SPON1: variants seen among roughly 807,000 people sequenced by gnomAD.
The protein encoded by SPON1 is spondin-1.
In SPON1, 52 loss-of-function variants were observed where a neutral mutation model predicts 111.7. The observed-to-expected ratio is 0.47, with a 90% CI of 0.37 to 0.59. The LOEUF (loss-of-function observed/expected upper bound fraction) is 0.59, where lower values mean the gene tolerates loss of function less well. Among genes scored for constraint, SPON1 ranks in the 20% least tolerant of loss-of-function variants. SPON1 has a pLI of 0.00. For synonymous variants in SPON1, 410 were observed against 395.8 expected (o/e 1.04, Z -0.43); for missense variants, 957 against 1,068.5 (o/e 0.90, Z 1.46).
At position 14,141,029 on chromosome 11, in the gene SPON1, C is replaced by CCGCCA. The variant is rs71041572; in HGVS notation, c.825+5461_825+5462insCGCCA. On this transcript the variant is annotated intron_variant, in intron 6 of 15. Coordinates refer to ENST00000576479, the MANE Select transcript of SPON1 (RefSeq NM_006108.4). ...CCACTGTATGCAGGCGTGCCCCCCC[C>CCGCCA]ATGCCCCACTTCTCACTGGCTCAAG... is the stretch of plus-strand genomic sequence containing the variant. 2.9e-4 allele frequency among the ~76,000 whole-genome samples: 39 copies of CCGCCA among 132,270 alleles called. 2 individuals carry two copies. Among genetic ancestry groups the CCGCCA allele is most frequent in the Non-Finnish European group, 8.2e-5 (5 of 60,666 alleles). The allele number at this position is 132,270 out of a possible 152,430, so 86.8% of individuals were successfully genotyped here. A position where few individuals can be genotyped will look rare whatever the true frequency, so the allele number is the denominator to read the frequency against.
intron 1 of SPON1, among the ~76,000 whole-genome samples, chr11:13,978,343 T>A (rs190223843): frequency 6.6e-6 from 1 of 152,266 alleles, no homozygotes; most frequent in Admixed American, 6.5e-5. Context: ...TGAGGATAAT[T>A]GACATCTTTA....
Position 14,103,308 on chromosome 11 carries a change from T to A in SPON1, c.676+23287T>A, listed in dbSNP as rs564793599. 2.0e-5 allele frequency among the ~76,000 whole-genome samples: 3 copies of A among 152,212 alleles called. No homozygotes were observed. The South Asian group carries it at 6.2e-4, about 32-fold the overall frequency. ...TGGAAACAGAAGGGATGAAGAAGTG[T>A]ATACCCAGTGAAGGCTGGGATTCGT... On this transcript the variant is annotated intron_variant, in intron 5 of 15. Transcript: ENST00000576479.
At chr11:14,186,317 C>G (rs10766164) in intron 6 of SPON1, among the ~76,000 whole-genome samples, 61,082 of 152,044 alleles carry the variant, frequency 0.4, 12,401 homozygotes, top group East Asian at 0.55. Context: ...AACAAGTGGG[C>G]AAGGGAAGAA....
At chr11:14,233,204 G>C (rs948959690) in intron 6 of SPON1, among the ~76,000 whole-genome samples, 2 of 152,020 alleles carry the variant, frequency 1.3e-5, no homozygotes, top group Non-Finnish European at 2.9e-5. Context: ...AGTCATCCTT[G>C]ACCCCTCTTT....
intron 6 of SPON1, among the ~76,000 whole-genome samples, chr11:14,159,504 A>G (rs10832217): frequency 0.39 from 59,624 of 151,904 alleles, 11,961 homozygotes; most frequent in East Asian, 0.55. Flanking sequence ...AAATAGGGAT[A>G]CTATATGATT....
At chr11:13,972,377 A>T (rs1198218003) in intron 1 of SPON1, among the ~76,000 whole-genome samples, 2 of 152,174 alleles carry the variant, frequency 1.3e-5, no homozygotes, top group East Asian at 3.8e-4. Context: ...AAAATTTGAC[A>T]TGGTTTATCG....
At chr11:14,040,241 ACTAAGTGCCC>A (rs1445654388) in intron 2 of SPON1, among the ~76,000 whole-genome samples, 1 of 152,198 alleles carries the variant, frequency 6.6e-6, no homozygotes, top group Non-Finnish European at 1.5e-5. Context: ...CTGGAAGTCA[ACTAAGTGCCC>A]CTCACTGGAA....
At chr11:14,213,429 G>A (rs1848595789) in intron 6 of SPON1, among the ~76,000 whole-genome samples, 1 of 150,786 alleles carries the variant, frequency 6.6e-6, no homozygotes, top group Non-Finnish European at 1.5e-5. Flanking sequence ...TCCTGCTTAA[G>A]ATTTATTTTG....
chr11:13,988,679 TG>T (rs1244538609), intron 2 of SPON1, among the ~76,000 whole-genome samples: 1 of 152,182 alleles, frequency 6.6e-6, no homozygotes, highest in African/African-American at 2.4e-5. Flanking sequence ...ATATTGGCTG[TG>T]GGTTTGTCAT....
chr11:14,251,462 G>C (rs1350477753), intron 7 of SPON1, among the ~76,000 whole-genome samples: 2 of 152,220 alleles, frequency 1.3e-5, no homozygotes, highest in African/African-American at 4.8e-5. Flanking sequence ...ACACCCATTG[G>C]CTGGGCAGGT....
intron 1 of SPON1, among the ~76,000 whole-genome samples, chr11:13,969,215 C>CAAAAAAAAAAAAAAAA (rs3047401): frequency 9.3e-6 from 1 of 106,982 alleles, no homozygotes. Context: ...CCCATCTCTA[C>CAAAAAAAAAAAAAAAA]AAAAAAAAAA....
In SPON1 at chr11:14,259,732, G is replaced by C; in HGVS notation, c.1831+31G>C. On this transcript the variant is annotated intron_variant, in intron 13 of 15. Transcript: ENST00000576479. The surrounding 1 kb of genome is among the most constrained non-coding windows in gnomAD (Gnocchi z 5.0). ...TGAGAGCGGGGGTGGACTTGGAGGAGGCCACTGGGGACAGGCGTGGAGGGC... is the reference window on the plus strand; with the variant it reads ...TGAGAGCGGGGGTGGACTTGGAGGACGCCACTGGGGACAGGCGTGGAGGGC... 6.4e-7 allele frequency: 1 copy of C among 1,555,358 alleles called. No homozygotes were observed. The highest frequency in any genetic ancestry group is 1.4e-5 in the African/African-American group (1 of 73,696).
chr11:14,259,549 T>C lies in SPON1; in HGVS notation c.1679T>C (p.Leu560Pro), dbSNP rs1388898134. Residue 560 changes from leucine to proline, a missense_variant, in exon 13 of 16, where the codon CTG becomes CCG. This residue lies in a region of SPON1 where 549 missense variants were observed against 606.2 expected (regional missense o/e 0.91). Coordinates refer to ENST00000576479, the MANE Select transcript of SPON1 (RefSeq NM_006108.4). The surrounding 1 kb of genome is among the most constrained non-coding windows in gnomAD (Gnocchi z 5.0). Reference sequence around the variant, plus strand: ...GCCTCCCCAGCTCCCAGCAGCTGCCTGATGACCGAGTGGGGCGAGTGGGAC... The same window carrying C: ...GCCTCCCCAGCTCCCAGCAGCTGCCCGATGACCGAGTGGGGCGAGTGGGAC... Reference protein sequence around the residue: ...VNEECSPSSCLMTEWGEWDEC... With the variant: ...VNEECSPSSCPMTEWGEWDEC... 2 of 1,553,722 alleles carry C rather than the reference T, an allele frequency of 1.3e-6. No homozygotes were observed. The highest frequency in any genetic ancestry group is 1.7e-6 in the Non-Finnish European group (2 of 1,148,876).
intron 4 of SPON1, among the ~76,000 whole-genome samples, chr11:14,078,659 C>A (rs1848937121): frequency 6.6e-6 from 1 of 152,144 alleles, no homozygotes; most frequent in Non-Finnish European, 1.5e-5. Flanking sequence ...AACCCTGTGA[C>A]CTTGAACAGG....
chr11:13,991,847 A>T (rs1848233246), intron 2 of SPON1, among the ~76,000 whole-genome samples: 1 of 152,142 alleles, frequency 6.6e-6, no homozygotes, highest in Non-Finnish European at 1.5e-5. Flanking sequence ...AGTTTGCTGG[A>T]GGTCCACTCC....
In SPON1 at chr11:14,254,657, T is replaced by C; in HGVS notation, c.1020T>C (p.Cys340=). The change falls in exon 8 of 16, where the codon TGT becomes TGC. Residue 340 remains cysteine (C), a synonymous_variant. Transcript: ENST00000576479. The part of the protein sequence containing the change: ...LSAEDLCTKE[C]GWVQKVVQDL... ...CAGAAGATCTGTGCACCAAGGAATG[T>C]GGCTGGGTCCAGAAGGTGGTGCAAG... The C allele has an allele frequency of 6.2e-7, 1 of 1,614,028 alleles. No individual in the cohort carries two copies. Among genetic ancestry groups the C allele is most frequent in the African/African-American group, 1.3e-5 (1 of 75,042 alleles).
At chr11:14,081,427 C>T (rs1298648960) in intron 5 of SPON1, among the ~76,000 whole-genome samples, 1 of 152,102 alleles carries the variant, frequency 6.6e-6, no homozygotes, top group Non-Finnish European at 1.5e-5. Flanking sequence ...AGTGTTTAAT[C>T]CTCAAAGTAA....
chr11:14,022,302 G>T (rs1272079446), intron 2 of SPON1, among the ~76,000 whole-genome samples: 1 of 152,220 alleles, frequency 6.6e-6, no homozygotes, highest in Non-Finnish European at 1.5e-5. Context: ...GCAGCCTGTT[G>T]TTAACATATT....
intron 5 of SPON1, among the ~76,000 whole-genome samples, chr11:14,120,992 A>T (rs543736880): frequency 6.6e-6 from 1 of 152,366 alleles, no homozygotes; most frequent in East Asian, 1.9e-4. Flanking sequence ...TTCTTTCAAG[A>T]CAATTGAAAA....
Sources: allele counts gnomAD v4.1 joint callset (sites outside exome capture counted in the v4.1 genomes callset), GRCh38; gene constraint gnomAD v4.1.1; regional missense constraint gnomAD v4.1.1; non-coding constraint Gnocchi (gnomAD v3.1); transcripts MANE v1.5; gene names NCBI Gene and HGNC (gene_info 2026-07-23, HGNC 2026-07-21).